KSR2: variants seen among roughly 807,000 people sequenced by gnomAD.
KSR2 encodes the protein kinase suppressor of ras 2.
Under a neutral mutation model 107.8 loss-of-function variants are expected in KSR2, and 25 were observed. The observed-to-expected ratio is 0.23, with a 90% CI of 0.17 to 0.32. The LOEUF is 0.32. KSR2 is among the 10% of genes least tolerant of loss of function. The pLI is 1.00. For synonymous variants in KSR2, 480 were observed against 507.0 expected, an observed-to-expected ratio of 0.95 and a Z score of 0.71; for missense variants, 887 against 1,268.9, an observed-to-expected ratio of 0.70 and a Z score of 4.57.
At chr12:117,513,021 C>A (rs1025317224) in intron 14 of KSR2, among the ~76,000 whole-genome samples, 2 of 152,120 alleles carry the variant, frequency 1.3e-5, no homozygotes, top group Admixed American at 1.3e-4. Context: ...CACCCCTCCC[C>A]CCGCAAAAAA....
Position 117,456,078 on chromosome 12 carries a change from AATCT to A in KSR2, c.*11117_*11120del, listed in dbSNP as rs1396130351. 6.6e-6 allele frequency: 1 copy of A among 152,228 alleles called. No individual in the cohort carries two copies. The highest frequency in any genetic ancestry group is 2.4e-5 in the African/African-American group (1 of 41,454). The allele number at this position is 152,228 out of a possible 1,614,324, so 9.4% of individuals were successfully genotyped here. A position where few individuals can be genotyped will look rare whatever the true frequency, so the allele number is the denominator to read the frequency against. On this transcript the variant is annotated 3_prime_UTR_variant, in exon 20 of 20. Transcript: ENST00000339824. ...TGTGTTTTGATGGGGTGGGGAGTACAATCTATGATATTCCTTGATAGGTTAGGAC... is the reference window on the plus strand; with the variant it reads ...TGTGTTTTGATGGGGTGGGGAGTACAATGATATTCCTTGATAGGTTAGGAC...
chr12:117,812,144 A>G (rs1253592250), intron 3 of KSR2, among the ~76,000 whole-genome samples: 1 of 152,208 alleles, frequency 6.6e-6, no homozygotes, highest in Non-Finnish European at 1.5e-5. Context: ...TGCCCTGTCC[A>G]ATAGGGTAGT....
At chr12:117,568,852 T>A (rs1291686037) in intron 7 of KSR2, among the ~76,000 whole-genome samples, 1 of 152,206 alleles carries the variant, frequency 6.6e-6, no homozygotes, top group Non-Finnish European at 1.5e-5. Context: ...ATATATAGGA[T>A]GATTAACTCC....
chr12:117,956,825 C>A (rs1789890741), intron 1 of KSR2, among the ~76,000 whole-genome samples: 1 of 152,082 alleles, frequency 6.6e-6, no homozygotes. Context: ...TTGACACTAA[C>A]AGCACATTTC....
At chr12:117,499,373 A>C (rs577547918) in intron 14 of KSR2, among the ~76,000 whole-genome samples, 20 of 152,336 alleles carry the variant, frequency 1.3e-4, no homozygotes, top group Admixed American at 1.2e-3. Context: ...TTTTTCCTCC[A>C]ATAAATGCAT....
At chr12:117,596,907 T>C (rs1431293539) in intron 5 of KSR2, among the ~76,000 whole-genome samples, 1 of 152,214 alleles carries the variant, frequency 6.6e-6, no homozygotes, top group Non-Finnish European at 1.5e-5. Context: ...CAAAGCACTG[T>C]GGTTCGCAGA....
At chr12:117,509,688 C>T (rs550758688) in intron 14 of KSR2, among the ~76,000 whole-genome samples, 1 of 152,288 alleles carries the variant, frequency 6.6e-6, no homozygotes, top group Admixed American at 6.5e-5. Context: ...TCTGCACCTC[C>T]AAGTCCCGAA....
At chr12:117,959,128 T>C (rs1896593731) in intron 1 of KSR2, among the ~76,000 whole-genome samples, 1 of 152,210 alleles carries the variant, frequency 6.6e-6, no homozygotes, top group Admixed American at 6.5e-5. Flanking sequence ...CTATTATGTA[T>C]TAATTAAACA....
intron 4 of KSR2, among the ~76,000 whole-genome samples, chr12:117,689,555 C>T (rs1300210704): frequency 6.6e-6 from 1 of 152,154 alleles, no homozygotes; most frequent in Non-Finnish European, 1.5e-5. Flanking sequence ...ATTAATAAAA[C>T]TTTATTTACA....
In KSR2 at chr12:117,761,150, T is replaced by C; in HGVS notation, c.847A>G (p.Asn283Asp). The change falls in exon 4 of 20, where the codon AAC becomes GAC. Residue 283 changes from asparagine (N) to aspartate (D), a missense_variant. Asn to Asp is a conservative substitution (Grantham distance 23). Coordinates refer to ENST00000339824, the MANE Select transcript of KSR2 (RefSeq NM_173598.6). ...PPGTPPMRKK[N>D]KLKPPGTPPP... Reference sequence around the variant, plus strand: ...GGGGTCCCCGGGGGCTTCAGCTTGTTCTTCTTCCTCATGGGCGGCGTGCCC... The same window carrying C: ...GGGGTCCCCGGGGGCTTCAGCTTGTCCTTCTTCCTCATGGGCGGCGTGCCC... 6.2e-7 allele frequency: 1 copy of C among 1,609,456 alleles called. No homozygotes were observed. Among genetic ancestry groups the C allele is most frequent in the Non-Finnish European group, 8.5e-7 (1 of 1,176,978 alleles).
chr12:117,506,934 G>T (rs763896407), intron 14 of KSR2, among the ~76,000 whole-genome samples: 1 of 152,112 alleles, frequency 6.6e-6, no homozygotes, highest in Non-Finnish European at 1.5e-5. Flanking sequence ...ATCTTTTGGG[G>T]TTGAGGGTGG....
At chr12:117,546,544 TAAG>T (rs1181307729) in intron 9 of KSR2, among the ~76,000 whole-genome samples, 2 of 152,206 alleles carry the variant, frequency 1.3e-5, no homozygotes, top group Non-Finnish European at 2.9e-5. Context: ...ATTATTTCTT[TAAG>T]AATGTTTTCA....
intron 3 of KSR2, among the ~76,000 whole-genome samples, chr12:117,843,020 C>T (rs1215690786): frequency 7.3e-6 from 1 of 136,914 alleles, no homozygotes; most frequent in African/African-American, 3.0e-5. Flanking sequence ...GGGAAGCTGA[C>T]TTTAAAAACA....
chr12:117,783,052 A>T (rs1389639052), intron 3 of KSR2, among the ~76,000 whole-genome samples: 1 of 152,210 alleles, frequency 6.6e-6, no homozygotes, highest in Non-Finnish European at 1.5e-5. Context: ...GCCCTACCCT[A>T]TGTCAATTGC....
intron 14 of KSR2, among the ~76,000 whole-genome samples, chr12:117,492,351 G>A (rs1254119526): frequency 6.6e-6 from 1 of 152,230 alleles, no homozygotes; most frequent in African/African-American, 2.4e-5. Context: ...CAGTGACTGG[G>A]ACAGAAGTCT....
intron 4 of KSR2, among the ~76,000 whole-genome samples, chr12:117,736,601 A>G (rs1887948566): frequency 6.6e-6 from 1 of 152,130 alleles, no homozygotes; most frequent in African/African-American, 2.4e-5. Context: ...CTTGAGTCCA[A>G]GAGTTCGAGT....
At chr12:117,963,599 C>T (rs960423141) in intron 1 of KSR2, among the ~76,000 whole-genome samples, 1 of 144,218 alleles carries the variant, frequency 6.9e-6, no homozygotes, top group African/African-American at 2.7e-5. Flanking sequence ...TGAGACCCTG[C>T]CTCAAAAAAA....
At chr12:117,710,448 A>T (rs559034302) in intron 4 of KSR2, among the ~76,000 whole-genome samples, 6 of 152,274 alleles carry the variant, frequency 3.9e-5, no homozygotes, top group African/African-American at 1.4e-4. Flanking sequence ...GGATTATCAC[A>T]TAGTCTGGGG....
At chr12:117,836,531 A>G (rs1034400398) in intron 3 of KSR2, among the ~76,000 whole-genome samples, 3 of 152,166 alleles carry the variant, frequency 2.0e-5, no homozygotes, top group African/African-American at 7.2e-5. Flanking sequence ...CAACACTAAA[A>G]GACTCGCTAT....
Sources: gnomAD v4.1 joint callset for allele counts (sites outside exome capture counted in the v4.1 genomes callset) on GRCh38, gnomAD v4.1.1 for gene constraint, MANE v1.5 for transcripts, NCBI Gene and HGNC (gene_info 2026-07-23, HGNC 2026-07-21) for gene names.